The following RBFOX1 variants were observed in gnomAD, a reference collection of about 807,000 sequenced individuals.
The protein encoded by RBFOX1 is RNA binding fox-1 homolog 1.
In RBFOX1, 8 loss-of-function variants were observed where a neutral mutation model predicts 57.7. That is an observed-to-expected ratio of 0.14 (90% CI 0.08 to 0.25). The LOEUF (loss-of-function observed/expected upper bound fraction) is 0.25, where lower values mean the gene tolerates loss of function less well. Among genes scored for constraint, RBFOX1 ranks in the 10% least tolerant of loss-of-function variants. The pLI, the probability that RBFOX1 is intolerant of heterozygous loss-of-function variation, is 1.00. For missense variants in RBFOX1, 611 were observed against 548.5 expected (o/e 1.11, Z -1.14); for synonymous variants, 326 against 222.4 (o/e 1.47, Z -4.15).
intron 4 of RBFOX1, among the ~76,000 whole-genome samples, chr16:7,056,178 C>G (rs2052179677): frequency 6.6e-6 from 1 of 152,160 alleles, no homozygotes; most frequent in African/African-American, 2.4e-5. Context: ...CTGTCCCCTA[C>G]CCTTCCCCAA....
At chr16:7,374,910 A>G (rs1311693890) in intron 4 of RBFOX1, among the ~76,000 whole-genome samples, 1 of 152,200 alleles carries the variant, frequency 6.6e-6, no homozygotes, top group African/African-American at 2.4e-5. Context: ...TGCCAGCACT[A>G]GTATTTCAAG....
rs564560494 is a variant in RBFOX1 at position 5,744,071 on chromosome 16, G to A, written c.319-123232G>A. On this transcript the variant is annotated intron_variant, in intron 3 of 19. Coordinates refer to the RBFOX1 transcript ENST00000641259. ...GTCACCAAGGTCTGGGCTGGGAAGT[G>A]CTTTCATATAAATTTTCAACTACAG... Among the ~76,000 whole-genome samples, 85 of 152,198 alleles carry A rather than the reference G, an allele frequency of 5.6e-4. 2 individuals carry two copies. The South Asian group carries it at 0.017, about 30-fold the overall frequency.
At chr16:6,079,936 A>G (rs567227444) in intron 1 of RBFOX1, among the ~76,000 whole-genome samples, 3 of 152,254 alleles carry the variant, frequency 2.0e-5, no homozygotes, top group African/African-American at 4.8e-5. Context: ...TAGAATGCTC[A>G]TGTGTCTTGG....
At chr16:5,936,007 C>T (rs755103395) in intron 4 of RBFOX1, among the ~76,000 whole-genome samples, 30 of 151,714 alleles carry the variant, frequency 2.0e-4, no homozygotes, top group Non-Finnish European at 4.3e-4. Flanking sequence ...TTGAAGCTTA[C>T]TCCATTCCTT....
chr16:6,706,632 G>C (rs532269577), intron 3 of RBFOX1, among the ~76,000 whole-genome samples: 1 of 151,966 alleles, frequency 6.6e-6, no homozygotes, highest in East Asian at 1.9e-4. Context: ...GCCAACACTG[G>C]CCTTTCTGAA....
chr16:5,703,667 C>A (rs2051134448), intron 3 of RBFOX1, among the ~76,000 whole-genome samples: 1 of 152,148 alleles, frequency 6.6e-6, no homozygotes, highest in African/African-American at 2.4e-5. Flanking sequence ...ACTTAACTCT[C>A]TGAGCCCAGT....
chr16:7,482,671 T>C (rs914850369), intron 4 of RBFOX1, among the ~76,000 whole-genome samples: 1 of 151,594 alleles, frequency 6.6e-6, no homozygotes, highest in Admixed American at 6.6e-5. Flanking sequence ...AGGCATTTCT[T>C]ATCAGGGAGA....
At chr16:6,392,646 A>AC (rs1019688145) in intron 2 of RBFOX1, among the ~76,000 whole-genome samples, 4 of 152,024 alleles carry the variant, frequency 2.6e-5, no homozygotes, top group Admixed American at 1.3e-4. Context: ...GGACTAATAG[A>AC]CCCCCCTAAT....
At chr16:6,570,819 A>G (rs2097334731) in intron 2 of RBFOX1, among the ~76,000 whole-genome samples, 1 of 152,212 alleles carries the variant, frequency 6.6e-6, no homozygotes, top group Non-Finnish European at 1.5e-5. Flanking sequence ...TTTTACTTTT[A>G]AAGACTCAAT....
chr16:6,736,355 T>C (rs561913240), intron 3 of RBFOX1, among the ~76,000 whole-genome samples: 4 of 152,150 alleles, frequency 2.6e-5, no homozygotes, highest in Non-Finnish European at 4.4e-5. Context: ...ATCATTCTTA[T>C]GCCTTTGCAT....
At chr16:5,943,327 A>C (rs1338271131) in intron 4 of RBFOX1, among the ~76,000 whole-genome samples, 1 of 152,236 alleles carries the variant, frequency 6.6e-6, no homozygotes, top group Non-Finnish European at 1.5e-5. Flanking sequence ...TTGATTCTGC[A>C]CATTAGAATT....
At chr16:7,136,901 G>T (rs6500918) in intron 4 of RBFOX1, among the ~76,000 whole-genome samples, 116,164 of 152,144 alleles carry the variant, frequency 0.76, 44,484 homozygotes, top group Middle Eastern at 0.82. Flanking sequence ...GGGCAGGAAG[G>T]AGGCATCTAG....
chr16:5,894,946 C>T lies in RBFOX1; in HGVS notation c.351+27611C>T, dbSNP rs559806512. Among the ~76,000 whole-genome samples, 189 of 152,172 alleles carry T rather than the reference C, an allele frequency of 1.2e-3. 1 individual carries two copies. Among genetic ancestry groups the T allele is most frequent in the African/African-American group, 4.5e-3 (186 of 41,542 alleles). ...GCTGAGGCAGGAGAATGGCATGAAC[C>T]CGGGAGGCAGAGCTTGCAGTAGGCA... is the stretch of plus-strand genomic sequence containing the variant. On this transcript the variant is annotated intron_variant, in intron 4 of 19. Coordinates refer to the RBFOX1 transcript ENST00000641259.
At chr16:7,424,728 A>G (rs996334428) in intron 4 of RBFOX1, among the ~76,000 whole-genome samples, 8 of 152,368 alleles carry the variant, frequency 5.3e-5, no homozygotes, top group African/African-American at 1.9e-4. Context: ...CAGCTTTGAC[A>G]GTTTGGGATC....
intron 9 of RBFOX1, among the ~76,000 whole-genome samples, chr16:7,598,899 A>G (rs1248828359): frequency 6.6e-6 from 1 of 152,216 alleles, no homozygotes; most frequent in East Asian, 1.9e-4. Flanking sequence ...TGATCTAGCA[A>G]TGTATTATCA....
intron 1 of RBFOX1, among the ~76,000 whole-genome samples, chr16:6,029,776 A>AAG (rs1038239383): frequency 4.0e-5 from 6 of 151,602 alleles, no homozygotes; most frequent in Non-Finnish European, 5.9e-5. Flanking sequence ...CCGTCTCAAA[A>AAG]AAAAAAAAAA....
At chr16:6,759,252 G>A (rs996293301) in intron 3 of RBFOX1, among the ~76,000 whole-genome samples, 2 of 151,710 alleles carry the variant, frequency 1.3e-5, no homozygotes, top group East Asian at 1.9e-4. Context: ...CTGGGTTCCA[G>A]CAGTTCTCCT....
At chr16:5,998,444 GA>G (rs2060527612) in intron 4 of RBFOX1, among the ~76,000 whole-genome samples, 1 of 152,218 alleles carries the variant, frequency 6.6e-6, no homozygotes, top group African/African-American at 2.4e-5. Flanking sequence ...GCGGGCAAGC[GA>G]ACTTCTATCT....
intron 3 of RBFOX1, among the ~76,000 whole-genome samples, chr16:5,681,583 G>C (rs1453100868): frequency 6.6e-6 from 1 of 151,028 alleles, no homozygotes; most frequent in African/African-American, 2.4e-5. Context: ...AGTAGAGACG[G>C]ACTTTCTCCA....
Sources: gnomAD v4.1 joint callset for allele counts (sites outside exome capture counted in the v4.1 genomes callset) on GRCh38, gnomAD v4.1.1 for gene constraint, MANE v1.5 for transcripts, NCBI Gene and HGNC (gene_info 2026-07-23, HGNC 2026-07-21) for gene names.